The following PGM3 variants were observed in gnomAD, a reference collection of about 807,000 sequenced individuals.
PGM3 encodes phosphoglucomutase 3.
Under a neutral mutation model 66.2 loss-of-function variants are expected in PGM3, and 40 were observed. That is an observed-to-expected ratio of 0.60 (90% CI 0.47 to 0.79). PGM3 has a LOEUF of 0.79. PGM3 is among the 30% of genes least tolerant of loss of function. PGM3 has a pLI of 0.00. For synonymous variants in PGM3, 191 were observed against 224.2 expected (o/e 0.85, Z 1.32); for missense variants, 537 against 643.4 (o/e 0.83, Z 1.79).
intron 3 of PGM3, chr6:83,188,404 A>C: frequency 2.1e-6 from 1 of 465,254 alleles, no homozygotes; most frequent in East Asian, 3.2e-5. Flanking sequence ...TGGGTTTTGG[A>C]GTAGGGTTTT....
intron 3 of PGM3, among the ~76,000 whole-genome samples, chr6:83,187,580 G>T (rs973400907): frequency 6.6e-6 from 1 of 152,148 alleles, no homozygotes. Flanking sequence ...TTGGGAGGCC[G>T]AGGTGGGTGG....
intron 11 of PGM3, among the ~76,000 whole-genome samples, chr6:83,171,656 AATTTTTGT>A (rs1787170277): frequency 7.1e-6 from 1 of 139,966 alleles, no homozygotes; most frequent in African/African-American, 3.0e-5. Flanking sequence ...ACGCCCAGCT[AATTTTTGT>A]ATTTTTAGTA....
chr6:83,156,781 C>A (rs946670132), downstream of PGM3, among the ~76,000 whole-genome samples: 1 of 152,190 alleles, frequency 6.6e-6, no homozygotes, highest in South Asian at 2.1e-4. Context: ...GTTTCCTAAC[C>A]TTTTACGCCT....
At chr6:83,159,908 T>G, downstream of PGM3, 1 of 1,614,154 alleles carries the variant, frequency 6.2e-7, no homozygotes, top group Non-Finnish European at 8.5e-7. Context: ...TGCTTGCAAA[T>G]TTTTGGATTT....
At position 83,168,281 on chromosome 6, in the gene PGM3, T is replaced by C; in HGVS notation, c.*953A>G. The C allele has an allele frequency of 2.1e-6, 3 of 1,436,444 alleles. No homozygotes were observed. The highest frequency in any genetic ancestry group is 1.8e-6 in the Non-Finnish European group (2 of 1,101,064). 89.0% of individuals were successfully genotyped at this position (1,436,444 alleles called of 1,614,324 possible). ...TGTATGTAACAGAACACATTTCAGA[T>C]TGTATTTAATTTAAATATTTGTATA... On this transcript the variant is annotated 3_prime_UTR_variant, in exon 13 of 13. Transcript: ENST00000513973.
In PGM3 at chr6:83,168,677, G is replaced by GC; in HGVS notation, c.*556dup. 2.0e-6 allele frequency: 2 copies of GC among 994,592 alleles called. No individual in the cohort carries two copies. The highest frequency in any genetic ancestry group is 2.4e-6 in the Non-Finnish European group (2 of 835,454). 61.6% of individuals were successfully genotyped at this position (994,592 alleles called of 1,614,324 possible). On this transcript the variant is annotated 3_prime_UTR_variant, in exon 13 of 13. Transcript: ENST00000513973. ...ATGCATCCTTAAAAGTATTGCATGA[G>GC]CATCTCCACCTCAGTATGGAAGAGG...
chr6:83,164,702 G>C, downstream of PGM3: 1 of 1,591,272 alleles, frequency 6.3e-7, no homozygotes, highest in East Asian at 2.3e-5. Context: ...GGAGGGATTG[G>C]AGATGGCCAA....
At position 83,168,966 on chromosome 6, in the gene PGM3, G is replaced by C. The variant is rs982238502; in HGVS notation, c.*268C>G. 2.5e-6 allele frequency: 3 copies of C among 1,204,898 alleles called. No homozygotes were observed. Among genetic ancestry groups the C allele is most frequent in the African/African-American group, 1.5e-5 (1 of 65,348 alleles). The allele number at this position is 1,204,898 out of a possible 1,614,324, so 74.6% of individuals were successfully genotyped here. A position where few individuals can be genotyped will look rare whatever the true frequency, so the allele number is the denominator to read the frequency against. ...CATGAATTGTTCCCCACATAAAACT[G>C]TACAGTTAGTGACTGAATTGTATAC... On this transcript the variant is annotated 3_prime_UTR_variant, in exon 13 of 13. Transcript: ENST00000513973.
At chr6:83,191,198 T>A in intron 1 of PGM3, 184 bp from the exon 2 acceptor site, 4 of 1,534,040 alleles carry the variant, frequency 2.6e-6, no homozygotes, top group Non-Finnish European at 3.5e-6. Context: ...TACAAGATGT[T>A]GTCCAACTTG....
chr6:83,167,628 T>C lies in PGM3; in HGVS notation c.*1606A>G. 1 of 1,229,052 alleles carries C rather than the reference T, an allele frequency of 8.1e-7. No individual in the cohort carries two copies. 76.1% of individuals were successfully genotyped at this position (1,229,052 alleles called of 1,614,324 possible). ...GCTATTTCTGTTAACTAAGCTTATCTGCGCATTCTAGTTGGGAACTATTAC... is the reference window on the plus strand; with the variant it reads ...GCTATTTCTGTTAACTAAGCTTATCCGCGCATTCTAGTTGGGAACTATTAC... On this transcript the variant is annotated 3_prime_UTR_variant, in exon 13 of 13. Coordinates refer to ENST00000513973, the MANE Select transcript of PGM3 (RefSeq NM_015599.3).
At chr6:83,191,265 C>T (rs1789025227) in intron 1 of PGM3, 1 of 1,534,028 alleles carries the variant, frequency 6.5e-7, no homozygotes, top group Admixed American at 2.0e-5. Context: ...CACTCTCCTC[C>T]CATTTTAGCT....
At chr6:83,159,870 G>C, downstream of PGM3, 1 of 1,614,076 alleles carries the variant, frequency 6.2e-7, no homozygotes. Flanking sequence ...TCATATAACA[G>C]CCAGCGGTGG....
the PGM3 span, among the ~76,000 whole-genome samples, chr6:83,151,307 ACCACGC>A: frequency 1.3e-5 from 2 of 152,124 alleles, no homozygotes; most frequent in East Asian, 3.9e-4. Context: ...GGCATGCACC[ACCACGC>A]CTGGCCACAT....
chr6:83,173,514 G>A (rs532813318), intron 10 of PGM3, among the ~76,000 whole-genome samples: 1 of 152,026 alleles, frequency 6.6e-6, no homozygotes, highest in South Asian at 2.1e-4. Flanking sequence ...TATAACTGAA[G>A]ATAAATCTCT....
chr6:83,171,811 T>C, intron 11 of PGM3, 126 bp downstream of exon 11: 1 of 745,844 alleles, frequency 1.3e-6, no homozygotes, highest in Non-Finnish European at 2.1e-6. Context: ...CCTTATTTTC[T>C]ATGTATCATA....
rs142824213 is a variant in PGM3, at chr6:83,179,263, G to A, written c.946-507C>T. ...GGAGGCAGAGGTTGCAATGAGCCGA[G>A]ATCACGCCCCTGCACTCCAGCCTGG... On this transcript the variant is annotated intron_variant, in intron 7 of 12. Transcript: ENST00000513973. Among the ~76,000 whole-genome samples, 364 of 143,114 alleles carry A rather than the reference G, an allele frequency of 2.5e-3. 2 individuals carry two copies. The highest frequency in any genetic ancestry group is 8.8e-3 in the African/African-American group (338 of 38,272). The allele number at this position is 143,114 out of a possible 152,430, so 93.9% of individuals were successfully genotyped here.
In PGM3 at chr6:83,191,002, C is replaced by A; in HGVS notation, c.11G>T (p.Gly4Val). Reference sequence around the variant, plus strand: ...TAATGCTGAGTATTTTGTAATAGCACCTAAATCCATGTCTACAAAATTAAG... The same window carrying A: ...TAATGCTGAGTATTTTGTAATAGCAACTAAATCCATGTCTACAAAATTAAG... MDL[G>V]AITKYSALHA... Residue 4 changes from glycine (G) to valine (V), a missense_variant, in exon 2 of 13, where the codon GGT (glycine) becomes GTT (valine). Coordinates refer to ENST00000513973, the MANE Select transcript of PGM3 (RefSeq NM_015599.3). The A allele has an allele frequency of 6.2e-7, 1 of 1,612,578 alleles. No individual in the cohort carries two copies. Among genetic ancestry groups the A allele is most frequent in the South Asian group, 1.1e-5 (1 of 91,042 alleles).
intron 1 of PGM3, among the ~76,000 whole-genome samples, chr6:83,191,958 C>CAAAAAAAACA (rs1789118726): frequency 2.5e-5 from 1 of 39,364 alleles, no homozygotes; most frequent in Non-Finnish European, 4.6e-5. Flanking sequence ...GACTCGGTCT[C>CAAAAAAAACA]AAAAAAAAAA....
intron 11 of PGM3, among the ~76,000 whole-genome samples, chr6:83,171,547 A>G (rs1193701864): frequency 2.0e-5 from 3 of 152,154 alleles, no homozygotes; most frequent in Non-Finnish European, 4.4e-5. Context: ...CCAGAGTGCA[A>G]TGGCATAATC....
Sources: allele counts gnomAD v4.1 joint callset (sites outside exome capture counted in the v4.1 genomes callset), GRCh38; gene constraint gnomAD v4.1.1; transcripts MANE v1.5; gene names NCBI Gene and HGNC (gene_info 2026-07-23, HGNC 2026-07-21).